Variants in ASPG observed in about 807,000 individuals in gnomAD.
The protein encoded by ASPG is asparaginase.
Under a neutral mutation model 63.2 loss-of-function variants are expected in ASPG, and 53 were observed. The ratio of observed to expected loss-of-function variants is 0.84; its 90% CI spans 0.67 to 1.05. ASPG has a LOEUF of 1.05. ASPG is among the 50% of genes least tolerant of loss of function. The pLI is 0.00. For missense variants in ASPG, 741 were observed against 794.4 expected, an observed-to-expected ratio of 0.93 and a Z score of 0.81; for synonymous variants, 370 against 355.0, an observed-to-expected ratio of 1.04 and a Z score of -0.48.
chr14:104,099,011 G>C (rs780821834), intron 6 of ASPG, 32 bp downstream of exon 6: 3 of 1,554,938 alleles, frequency 1.9e-6, no homozygotes, highest in Non-Finnish European at 2.6e-6. Flanking sequence ...CCAGGTGCCT[G>C]CCCAGTGCTG....
chr14:104,101,472 G>GT (rs1364371440), intron 6 of ASPG, among the ~76,000 whole-genome samples: 2 of 152,140 alleles, frequency 1.3e-5, no homozygotes, highest in East Asian at 1.9e-4. Context: ...GCGCCAAGGG[G>GT]TGGGGGGATG....
Position 104,110,120 on chromosome 14 carries a change from A to G in ASPG, c.1520+805A>G, listed in dbSNP as rs992676963. ...AGGCCAGGACGACTCCGAGGGACCC[A>G]AAAAGGAGAGTCGGAGGCAGGAGAC... On this transcript the variant is annotated intron_variant, in intron 13 of 15. Coordinates refer to ENST00000551177, the MANE Select transcript of ASPG (RefSeq NM_001080464.3). The surrounding 1 kb of genome is among the most constrained non-coding windows in gnomAD (Gnocchi z 4.7). 8 of 985,094 alleles carry G rather than the reference A, an allele frequency of 8.1e-6. No homozygotes were observed. Among genetic ancestry groups the G allele is most frequent in the Non-Finnish European group, 8.4e-6 (7 of 829,834 alleles). 61.0% of individuals were successfully genotyped at this position (985,094 alleles called of 1,614,324 possible).
chr14:104,096,310 G>A (rs963335170), intron 4 of ASPG, among the ~76,000 whole-genome samples: 29 of 152,198 alleles, frequency 1.9e-4, no homozygotes, highest in Non-Finnish European at 4.3e-4. Context: ...CACGGCTGAG[G>A]CTAAGGTCTT....
rs928988907 is a variant in ASPG at position 104,108,799 on chromosome 14, G to A, written c.1434-430G>A. 13 of 985,306 alleles carry A rather than the reference G, an allele frequency of 1.3e-5. No individual in the cohort carries two copies. The Admixed American group carries it at 2.5e-4, about 19-fold the overall frequency. The allele number at this position is 985,306 out of a possible 1,614,324, so 61.0% of individuals were successfully genotyped here. On this transcript the variant is annotated intron_variant, in intron 12 of 15. Coordinates refer to ENST00000551177, the MANE Select transcript of ASPG (RefSeq NM_001080464.3). ...CGCCTGGCTGAGGAGGTCACCACGG[G>A]GTGTGATCAGCGTTTGGGTGTGCAG...
chr14:104,098,576 G>T (rs2036729421), intron 5 of ASPG, among the ~76,000 whole-genome samples: 1 of 152,146 alleles, frequency 6.6e-6, no homozygotes, highest in South Asian at 2.1e-4. Context: ...AGGAAGTACG[G>T]TACCCTCCTG....
At chr14:104,111,694 C>T in intron 14 of ASPG, 93 bp downstream of exon 14, 1 of 1,041,756 alleles carries the variant, frequency 9.6e-7, no homozygotes, top group Non-Finnish European at 1.4e-6. Context: ...CTGCCCCTCC[C>T]CGCTCTGCCC....
intron 6 of ASPG, among the ~76,000 whole-genome samples, chr14:104,101,918 ATGGAGCCACCAGCGCTCCTCTC>A: frequency 6.6e-6 from 1 of 152,162 alleles, no homozygotes; most frequent in East Asian, 1.9e-4. Context: ...TCACCTGGCC[ATGGAGCCACCAGCGCTCCTCTC>A]TGCCCCCGGG....
chr14:104,108,250 C>T (rs923368331), intron 12 of ASPG: 4 of 179,766 alleles, frequency 2.2e-5, no homozygotes, highest in Non-Finnish European at 4.3e-5. Flanking sequence ...GGGTGGTGGA[C>T]AGGAGGGGGC....
At chr14:104,104,124 AG>A (rs1355701056) in intron 7 of ASPG, among the ~76,000 whole-genome samples, 179 bp from the exon 8 acceptor site, 1 of 152,186 alleles carries the variant, frequency 6.6e-6, no homozygotes, top group African/African-American at 2.4e-5. Context: ...TGGGGGGAGC[AG>A]CCCCCTCCAG....
chr14:104,086,736 C>T (rs2140969484), intron 1 of ASPG, among the ~76,000 whole-genome samples: 1 of 152,174 alleles, frequency 6.6e-6, no homozygotes, highest in South Asian at 2.1e-4. Flanking sequence ...TGTTTGCGAC[C>T]CTCCATGGGC....
At chr14:104,098,819 C>G in intron 5 of ASPG, 34 bp from the exon 6 acceptor site, 1 of 1,605,644 alleles carries the variant, frequency 6.2e-7, no homozygotes, top group South Asian at 1.1e-5. Context: ...ACAGGGTGGC[C>G]GCTGCTCTGA....
At chr14:104,085,915 C>T (rs1389709518) in intron 1 of ASPG, 63 bp downstream of exon 1, 3 of 1,440,342 alleles carry the variant, frequency 2.1e-6, no homozygotes, top group Non-Finnish European at 2.8e-6. Flanking sequence ...AGCCTCGGAC[C>T]CTCCTGCACC....
intron 3 of ASPG, among the ~76,000 whole-genome samples, chr14:104,094,458 C>T (rs910329931): frequency 2.6e-4 from 39 of 151,906 alleles, no homozygotes; most frequent in African/African-American, 8.9e-4. Context: ...CCACCCCCCG[C>T]CCCATCAGCT....
chr14:104,105,637 A>C (rs890681190), intron 10 of ASPG, among the ~76,000 whole-genome samples, 187 bp downstream of exon 10: 1 of 152,186 alleles, frequency 6.6e-6, no homozygotes. Flanking sequence ...TGCAGGGTCT[A>C]TAAGGCAGGA....
At chr14:104,103,748 G>T (rs1392819434) in intron 7 of ASPG, 73 bp downstream of exon 7, 55 of 1,327,426 alleles carry the variant, frequency 4.1e-5, no homozygotes, top group Non-Finnish European at 5.4e-5. Flanking sequence ...CGGCCCTCAG[G>T]CTCCCTGGGG....
intron 15 of ASPG, 56 bp downstream of exon 15, chr14:104,112,056 C>A: frequency 6.7e-7 from 1 of 1,482,860 alleles, no homozygotes; most frequent in Non-Finnish European, 9.2e-7. Flanking sequence ...TAGTGCAGGG[C>A]TGGATCCTGG....
At chr14:104,099,479 A>G (rs1200189468) in intron 6 of ASPG, among the ~76,000 whole-genome samples, 1 of 152,036 alleles carries the variant, frequency 6.6e-6, no homozygotes, top group Non-Finnish European at 1.5e-5. Context: ...TGGCTGTAGG[A>G]GCAGCCTTGG....
rs1226545834 is a variant in ASPG at position 104,113,628 on chromosome 14, G to C, written c.*1084G>C. On this transcript the variant is annotated 3_prime_UTR_variant, in exon 16 of 16. Transcript: ENST00000551177. ...TTGTCCCTCTGTTTGGCTGGCCTCT[G>C]GACTGGAGCCCCAGGAGGGCAAAAG... The C allele has an allele frequency of 2.6e-5, 4 of 152,338 alleles. No individual in the cohort carries two copies. The highest frequency in any genetic ancestry group is 5.9e-5 in the Non-Finnish European group (4 of 68,140). The allele number at this position is 152,338 out of a possible 1,614,324, so 9.4% of individuals were successfully genotyped here.
chr14:104,106,972 C>A, intron 11 of ASPG, 78 bp downstream of exon 11: 1 of 1,426,698 alleles, frequency 7.0e-7, no homozygotes, highest in Non-Finnish European at 9.5e-7. Flanking sequence ...GCAGGACGGC[C>A]TTTCATCCAC....
Sources: gnomAD v4.1 joint callset for allele counts (sites outside exome capture counted in the v4.1 genomes callset) on GRCh38, gnomAD v4.1.1 for gene constraint, Gnocchi (gnomAD v3.1) non-coding constraint, MANE v1.5 for transcripts, NCBI Gene and HGNC (gene_info 2026-07-23, HGNC 2026-07-21) for gene names.